C6: variants seen among roughly 807,000 people sequenced by gnomAD.
C6 encodes complement component C6.
In C6, 101 loss-of-function variants were observed where a neutral mutation model predicts 112.9. That is an observed-to-expected ratio of 0.89 (90% CI 0.76 to 1.06). The LOEUF (loss-of-function observed/expected upper bound fraction) is 1.06, where lower values mean the gene tolerates loss of function less well. C6 is among the 50% of genes least tolerant of loss of function. The pLI is 0.00. For synonymous variants in C6, 431 were observed against 384.1 expected (o/e 1.12, Z -1.43); for missense variants, 1,202 against 1,104.6 (o/e 1.09, Z -1.25).
At position 41,218,616 on chromosome 5, in the gene C6, CT is replaced by C. The variant is rs369488983; in HGVS notation, c.-20-15367del. Among the ~76,000 whole-genome samples the C allele has an allele frequency of 1.2e-4, 18 of 152,190 alleles. No individual in the cohort carries two copies. The East Asian group carries it at 2.5e-3, about 21-fold the overall frequency. ...CAGCCCGATCTCACAAAATTTAATC[CT>C]GTAGGACCCACTGAGCTGGTTTCAG... On this transcript the variant is annotated intron_variant, in intron 1 of 17. Coordinates refer to the C6 transcript ENST00000263413.
chr5:41,187,709 C>CACACACACACACACA (rs1749894302), intron 5 of C6, among the ~76,000 whole-genome samples: 2 of 51,736 alleles, frequency 3.9e-5, no homozygotes, highest in African/African-American at 1.6e-4. Context: ...TACACACACA[C>CACACACACACACACA]ACACACACAC....
At chr5:41,189,641 C>T (rs1030106551) in intron 5 of C6, among the ~76,000 whole-genome samples, 1 of 151,954 alleles carries the variant, frequency 6.6e-6, no homozygotes, top group Non-Finnish European at 1.5e-5. Flanking sequence ...TTTCTCTTCT[C>T]GGTATTTGAA....
intron 9 of C6, among the ~76,000 whole-genome samples, chr5:41,170,487 C>T (rs1748335728): frequency 1.3e-5 from 2 of 151,874 alleles, no homozygotes. Flanking sequence ...TATTTTACTA[C>T]ATGATAAACT....
intron 1 of C6, among the ~76,000 whole-genome samples, chr5:41,219,509 G>A (rs1739034929): frequency 6.6e-6 from 1 of 152,168 alleles, no homozygotes; most frequent in Admixed American, 6.6e-5. Context: ...CTCTGACAAA[G>A]TGCTTTGAGG....
intron 16 of C6, among the ~76,000 whole-genome samples, chr5:41,149,701 T>G (rs1746196643): frequency 6.6e-6 from 1 of 152,268 alleles, no homozygotes; most frequent in East Asian, 1.9e-4. Context: ...AAAACCAAAA[T>G]GAGACTGTTA....
At chr5:41,148,247 G>A (rs936156162) in intron 17 of C6, among the ~76,000 whole-genome samples, 16 of 152,158 alleles carry the variant, frequency 1.1e-4, no homozygotes, top group South Asian at 4.1e-4. Flanking sequence ...TAGAATACCC[G>A]TATAGACTTT....
At chr5:41,204,102 T>C (rs1021947672) in intron 1 of C6, among the ~76,000 whole-genome samples, 5 of 152,212 alleles carry the variant, frequency 3.3e-5, no homozygotes, top group African/African-American at 1.2e-4. Context: ...ATATCCCTAA[T>C]GAAACATGCA....
At chr5:41,234,216 A>T (rs1407813952) in intron 1 of C6, among the ~76,000 whole-genome samples, 2 of 152,140 alleles carry the variant, frequency 1.3e-5, no homozygotes, top group African/African-American at 4.8e-5. Context: ...ATGTATCAAT[A>T]TCAATAACTT....
At chr5:41,247,764 A>G (rs554216613) in intron 1 of C6, among the ~76,000 whole-genome samples, 1 of 152,002 alleles carries the variant, frequency 6.6e-6, no homozygotes, top group East Asian at 1.9e-4. Context: ...AAAGTGAAAG[A>G]TCTCTACAAG....
At chr5:41,179,404 C>T (rs912491311) in intron 7 of C6, among the ~76,000 whole-genome samples, 3 of 152,018 alleles carry the variant, frequency 2.0e-5, no homozygotes, top group Admixed American at 2.0e-4. Context: ...ATCTATCTCC[C>T]TTCATCATTG....
At chr5:41,163,356 A>C (rs1234999268) in intron 9 of C6, among the ~76,000 whole-genome samples, 8 of 144,370 alleles carry the variant, frequency 5.5e-5, no homozygotes, top group African/African-American at 2.0e-4. Context: ...TCTGCCGCCC[A>C]GGCTGGAATG....
chr5:41,176,357 G>T, intron 8 of C6, 118 bp downstream of exon 8: 2 of 1,019,860 alleles, frequency 2.0e-6, no homozygotes, highest in Non-Finnish European at 2.9e-6. Flanking sequence ...ATATCATTTT[G>T]GAAATAAAGC....
At chr5:41,178,466 C>CTTTTTTTTTTTTTT (rs70988836) in intron 7 of C6, among the ~76,000 whole-genome samples, 10 of 101,596 alleles carry the variant, frequency 9.8e-5, no homozygotes, top group African/African-American at 1.9e-4. Context: ...TTTTCTTTTT[C>CTTTTTTTTTTTTTT]TTTTTTTTTT....
In C6 at chr5:41,230,354, G is replaced by A. The variant is rs1041060996; in HGVS notation, c.-20-27104C>T. ...ATCAGTGAATTCTTTTCCCAGCAAG[G>A]AATATTAATAATTAATACCCTGGGG... is the stretch of plus-strand genomic sequence containing the variant. On this transcript the variant is annotated intron_variant, in intron 1 of 17. Transcript: ENST00000263413. Among the ~76,000 whole-genome samples, 5 of 152,078 alleles carry A rather than the reference G, an allele frequency of 3.3e-5. 1 individual carries two copies. The highest frequency in any genetic ancestry group is 2.1e-4 in the South Asian group (1 of 4,832).
At chr5:41,205,205 T>A (rs1751339836) in intron 1 of C6, among the ~76,000 whole-genome samples, 1 of 152,234 alleles carries the variant, frequency 6.6e-6, no homozygotes, top group Non-Finnish European at 1.5e-5. Context: ...ATAGATATGC[T>A]GCTAGAGTCC....
At chr5:41,201,527 A>G (rs747887599) in intron 3 of C6, 31 bp downstream of exon 3, 1 of 1,607,874 alleles carries the variant, frequency 6.2e-7, no homozygotes, top group Non-Finnish European at 8.5e-7. Context: ...ATTGTGATTC[A>G]TATTTCCTGG....
chr5:41,256,387 C>T (rs559630594), intron 1 of C6, among the ~76,000 whole-genome samples: 64 of 142,862 alleles, frequency 4.5e-4, no homozygotes, highest in African/African-American at 1.6e-3. Flanking sequence ...ATATAACTAA[C>T]GTGCACAATG....
chr5:41,213,402 G>A lies in C6; in HGVS notation c.-47C>T, dbSNP rs374524344. The A allele has an allele frequency of 3.5e-5, 34 of 984,972 alleles. No individual in the cohort carries two copies. Among genetic ancestry groups the A allele is most frequent in the East Asian group, 1.1e-4 (1 of 8,820 alleles). The allele number at this position is 984,972 out of a possible 1,614,324, so 61.0% of individuals were successfully genotyped here. ...TTTAAGCAGAGTTTGTGGTGTCCTC[G>A]GACCTAAGCTGCAAATTATTGGGGA... On this transcript the variant is annotated 5_prime_UTR_variant, in exon 1 of 18. Coordinates refer to ENST00000337836, the MANE Select transcript of C6 (RefSeq NM_000065.5).
chr5:41,214,821 C>T (rs931176826), upstream of C6, among the ~76,000 whole-genome samples: 155 of 152,090 alleles, frequency 1.0e-3, 1 homozygote, highest in African/African-American at 3.5e-3. Flanking sequence ...AGTTAGGTGC[C>T]AGTAGGATGA....
Sources: allele counts gnomAD v4.1 joint callset (sites outside exome capture counted in the v4.1 genomes callset), GRCh38; gene constraint gnomAD v4.1.1; transcripts MANE v1.5; gene names NCBI Gene and HGNC (gene_info 2026-07-23, HGNC 2026-07-21).